Variants in HUWE1 observed in about 807,000 individuals in gnomAD.
The protein encoded by HUWE1 is HECT, UBA and WWE domain containing E3 ubiquitin protein ligase 1, also known as E3 ubiquitin-protein ligase HUWE1.
HUWE1 carries 18 observed loss-of-function variants against 299.4 expected under a neutral mutation model. The ratio of observed to expected loss-of-function variants is 0.06; its 90% CI spans 0.04 to 0.09. The LOEUF is 0.09. Among genes scored for constraint, HUWE1 ranks in the 10% least tolerant of loss-of-function variants. The probability of loss-of-function intolerance (pLI) is 1.00; values close to 1 mark genes in which losing one functional copy is unlikely to be tolerated. For missense variants in HUWE1, 1,832 were observed against 3,462.3 expected (o/e 0.53, Z 11.82); for synonymous variants, 1,317 against 1,286.1 (o/e 1.02, Z -0.51).
In HUWE1 at chrX:53,602,587, G is replaced by T; in HGVS notation, c.2948C>A (p.Thr983Lys). 8.5e-7 allele frequency: 1 copy of T among 1,183,429 alleles called. No individual in the cohort carries two copies. Among genetic ancestry groups the T allele is most frequent in the Non-Finnish European group, 1.1e-6 (1 of 870,863 alleles). ...ACCTGATCTTTTTCCGCCCTGGGTC[G>T]TACCTGCCTTCTCATCCTTTGGAAC... is the stretch of plus-strand genomic sequence containing the variant. The part of the protein sequence containing the change: ...KLVPKDEKAG[T>K]TQGGKRSDGE... The change falls in exon 28 of 84, where the codon ACG becomes AAG. Residue 983 changes from threonine to lysine, a missense_variant. By Grantham distance (78) the Thr-to-Lys change is moderately conservative (BLOSUM62 -1). Coordinates refer to ENST00000262854, the MANE Select transcript of HUWE1 (RefSeq NM_031407.7).
intron 3 of HUWE1, among the ~76,000 whole-genome samples, chrX:53,664,081 C>CA (rs1364963773): frequency 3.6e-5 from 4 of 110,809 alleles, no homozygotes; most frequent in Non-Finnish European, 7.6e-5. Context: ...AACAGGGTCT[C>CA]ATTCTGTCAC....
chrX:53,656,843 C>T (rs1557043250), intron 3 of HUWE1, among the ~76,000 whole-genome samples: 1 of 109,673 alleles, frequency 9.1e-6, no homozygotes, highest in African/African-American at 3.3e-5. Context: ...GATATATATA[C>T]AAGTATCAAT....
At chrX:53,614,844 T>C (rs1370795787) in intron 22 of HUWE1, 99 bp from the exon 23 acceptor site, 20 of 559,860 alleles carry the variant, frequency 3.6e-5, no homozygotes, top group Non-Finnish European at 5.2e-5. Flanking sequence ...GTTGTGTATT[T>C]GCCCAAACAC....
At chrX:53,648,079 C>T in intron 5 of HUWE1, 133 bp downstream of exon 5, 1 of 522,440 alleles carries the variant, frequency 1.9e-6, no homozygotes, top group Non-Finnish European at 3.4e-6. Context: ...GTGTTAGGCA[C>T]ATGGCACATG....
chrX:53,550,084 A>G (rs1365217527), intron 66 of HUWE1, among the ~76,000 whole-genome samples: 2 of 111,005 alleles, frequency 1.8e-5, no homozygotes, highest in African/African-American at 6.6e-5. Context: ...GATAAACAAG[A>G]GGCTCAAACA....
At chrX:53,563,599 G>T in intron 52 of HUWE1, 147 bp downstream of exon 52, 2 of 638,735 alleles carry the variant, frequency 3.1e-6, no homozygotes, top group East Asian at 3.6e-5. Flanking sequence ...TTTCTCATCT[G>T]TAAGACCGTC....
intron 47 of HUWE1, 148 bp from the exon 48 acceptor site, chrX:53,569,975 G>T: frequency 3.6e-6 from 2 of 560,304 alleles, no homozygotes; most frequent in Non-Finnish European, 5.9e-6. Flanking sequence ...AGAAGCCAAG[G>T]CTCAAAGATA....
intron 2 of HUWE1, among the ~76,000 whole-genome samples, chrX:53,681,251 T>C (rs2070123649): frequency 9.1e-6 from 1 of 109,591 alleles, no homozygotes; most frequent in Non-Finnish European, 1.9e-5. Context: ...CTGGCCAACG[T>C]GGTGAAACTC....
intron 3 of HUWE1, among the ~76,000 whole-genome samples, chrX:53,654,343 T>C (rs1312409122): frequency 8.9e-6 from 1 of 112,130 alleles, no homozygotes; most frequent in African/African-American, 3.2e-5. Context: ...CATCCCTATG[T>C]TGCACAAGAC....
At chrX:53,628,232 G>A (rs1379928098) in intron 15 of HUWE1, among the ~76,000 whole-genome samples, 1 of 110,880 alleles carries the variant, frequency 9.0e-6, no homozygotes, top group Non-Finnish European at 1.9e-5. Flanking sequence ...GATAACATGT[G>A]GCAATGTTTT....
Position 53,535,210 on chromosome X carries a change from T to C in HUWE1, c.12649+174A>G, listed in dbSNP as rs182259529. Among the ~76,000 whole-genome samples the C allele has an allele frequency of 7.5e-3, 836 of 112,136 alleles. 4 individuals carry two copies. Among genetic ancestry groups the C allele is most frequent in the African/African-American group, 0.024 (756 of 30,910 alleles). On this transcript the variant is annotated intron_variant, in intron 81 of 83. Coordinates refer to ENST00000262854, the MANE Select transcript of HUWE1 (RefSeq NM_031407.7). ...TTGGCCTCCCAAAGTGCTGGGATTA[T>C]AGGTGTGAGCCACCGTGCCCAAAGT...
At chrX:53,674,545 T>C (rs2069715637) in intron 3 of HUWE1, among the ~76,000 whole-genome samples, 2 of 112,286 alleles carry the variant, frequency 1.8e-5, no homozygotes, top group South Asian at 3.6e-4. Flanking sequence ...TTTGAGACTA[T>C]TGATTCATTT....
At chrX:53,647,321 C>T in intron 6 of HUWE1, 47 bp downstream of exon 6, 1 of 931,199 alleles carries the variant, frequency 1.1e-6, no homozygotes, top group Non-Finnish European at 1.6e-6. Flanking sequence ...TCTGGATGTA[C>T]ACAATTCTAG....
At chrX:53,557,348 A>G (rs1556936009) in intron 60 of HUWE1, 34 bp downstream of exon 60, 1 of 1,170,266 alleles carries the variant, frequency 8.5e-7, no homozygotes, top group African/African-American at 1.8e-5. Flanking sequence ...CAACCAATTG[A>G]TTAGTAAGAA....
intron 3 of HUWE1, among the ~76,000 whole-genome samples, chrX:53,668,622 T>C (rs1557048399): frequency 9.0e-6 from 1 of 111,375 alleles, no homozygotes; most frequent in East Asian, 2.8e-4. Flanking sequence ...GTCACCTCTG[T>C]AAAATAAACA....
chrX:53,628,464 T>TTA, intron 15 of HUWE1, 29 bp downstream of exon 15: 1 of 1,055,072 alleles, frequency 9.5e-7, no homozygotes, highest in Non-Finnish European at 1.2e-6. Flanking sequence ...CCATGTAGTT[T>TTA]AAAAAAAAAA....
intron 48 of HUWE1, among the ~76,000 whole-genome samples, chrX:53,569,185 C>T (rs2062708287): frequency 9.0e-6 from 1 of 111,562 alleles, no homozygotes; most frequent in African/African-American, 3.3e-5. Flanking sequence ...TGCCACTACG[C>T]CCAGCTAATT....
intron 29 of HUWE1, among the ~76,000 whole-genome samples, chrX:53,598,245 T>TTC (rs782199716): frequency 2.7e-5 from 3 of 112,201 alleles, no homozygotes; most frequent in East Asian, 5.6e-4. Context: ...TACTTTTGAC[T>TTC]TTTTATGATG....
chrX:53,575,945 A>T (rs901880109), intron 44 of HUWE1, among the ~76,000 whole-genome samples, 157 bp from the exon 45 acceptor site: 4 of 112,578 alleles, frequency 3.6e-5, no homozygotes, highest in Non-Finnish European at 7.5e-5. Flanking sequence ...CCTCACCCTA[A>T]AATTACAAAA....
Sources: gnomAD v4.1 joint callset for allele counts (sites outside exome capture counted in the v4.1 genomes callset) on GRCh38, gnomAD v4.1.1 for gene constraint, MANE v1.5 for transcripts, NCBI Gene and HGNC (gene_info 2026-07-23, HGNC 2026-07-21) for gene names.